DNAH11: variants seen among roughly 807,000 people sequenced by gnomAD.
The protein encoded by DNAH11 is axonemal beta dynein heavy chain 11.
In DNAH11, 442 loss-of-function variants were observed where a neutral mutation model predicts 526.0. The observed-to-expected ratio is 0.84, with a 90% CI of 0.78 to 0.91. The LOEUF (loss-of-function observed/expected upper bound fraction) is 0.91. DNAH11 is among the 40% of genes least tolerant of loss of function. The probability of loss-of-function intolerance (pLI) is 0.00; values close to 1 mark genes in which losing one functional copy is unlikely to be tolerated. For missense variants in DNAH11, 6,989 were observed against 5,448.7 expected, an observed-to-expected ratio of 1.28 and a Z score of -8.90; for synonymous variants, 2,461 against 1,935.9, an observed-to-expected ratio of 1.27 and a Z score of -7.12.
intron 18 of DNAH11, among the ~76,000 whole-genome samples, chr7:21,603,394 C>A (rs1401744978): frequency 6.6e-6 from 1 of 152,144 alleles, no homozygotes; most frequent in Non-Finnish European, 1.5e-5. Flanking sequence ...ATTTGAGTAT[C>A]TGTTTTCAAT....
chr7:21,601,513 C>T lies in DNAH11; in HGVS notation c.3543C>T (p.Ser1181=). 6.2e-7 allele frequency: 1 copy of T among 1,613,658 alleles called. No homozygotes were observed. Among genetic ancestry groups the T allele is most frequent in the Non-Finnish European group, 8.5e-7 (1 of 1,179,772 alleles). The change falls in exon 18 of 82, where the codon AGC becomes AGT. Residue 1181 remains serine (S), a synonymous_variant. Transcript: ENST00000409508. ...DIMVHLLAVR[S]RQRATDELFE... ...TGGTGCATCTTCTGGCTGTAAGAAG[C>T]CGACAGAGAGCTACTGATGAACTCT...
chr7:21,665,829 A>G (rs1346861643), intron 30 of DNAH11, among the ~76,000 whole-genome samples: 1 of 152,108 alleles, frequency 6.6e-6, no homozygotes, highest in Non-Finnish European at 1.5e-5. Context: ...CAGTTTTGTG[A>G]CTGGCACTAA....
chr7:21,822,148 G>A, intron 65 of DNAH11, among the ~76,000 whole-genome samples: 1 of 152,022 alleles, frequency 6.6e-6, no homozygotes, highest in African/African-American at 2.4e-5. Context: ...CTGAGACTGG[G>A]TAATTTATTT....
chr7:21,692,580 A>T (rs1344360112), intron 35 of DNAH11, among the ~76,000 whole-genome samples: 1 of 152,194 alleles, frequency 6.6e-6, no homozygotes, highest in Non-Finnish European at 1.5e-5. Flanking sequence ...TAGTTGATGG[A>T]CACTTGGGCT....
intron 9 of DNAH11, among the ~76,000 whole-genome samples, chr7:21,587,340 A>G (rs1784506180): frequency 6.6e-6 from 1 of 152,142 alleles, no homozygotes; most frequent in Non-Finnish European, 1.5e-5. Context: ...GATCCTGTTC[A>G]GTCTGTGTGT....
intron 36 of DNAH11, among the ~76,000 whole-genome samples, chr7:21,700,876 A>T (rs565228878): frequency 6.6e-6 from 1 of 152,222 alleles, no homozygotes; most frequent in African/African-American, 2.4e-5. Context: ...ACCAAACACC[A>T]CATATTCTCA....
intron 10 of DNAH11, 65 bp from the exon 11 acceptor site, chr7:21,588,447 A>G: frequency 6.3e-7 from 1 of 1,577,310 alleles, no homozygotes; most frequent in South Asian, 1.1e-5. Flanking sequence ...AATTGCTTAC[A>G]GGGTTGGAAA....
intron 28 of DNAH11, 22 bp downstream of exon 28, chr7:21,639,087 T>G (rs925563871): frequency 6.2e-7 from 1 of 1,604,844 alleles, no homozygotes; most frequent in African/African-American, 1.3e-5. Context: ...TTTGAAAGTC[T>G]CGTATTATAC....
Position 21,601,014 on chromosome 7 carries a change from A to C in DNAH11, c.3260A>C (p.Asp1087Ala). 1 of 1,610,792 alleles carries C rather than the reference A, an allele frequency of 6.2e-7. No individual in the cohort carries two copies. Among genetic ancestry groups the C allele is most frequent in the Non-Finnish European group, 8.5e-7 (1 of 1,179,252 alleles). The change falls in exon 17 of 82, where the codon GAC (aspartate) becomes GCC (alanine). Residue 1087 changes from aspartate to alanine, a missense_variant. Physicochemically the swap from Asp to Ala is moderately radical, Grantham distance 126. Transcript: ENST00000409508. ...PTLEQFKEQI[D>A]IYEALYVQMS... ...TTAATCTTTTTCTCACTACAGATTG[A>C]CATTTATGAAGCTTTGTATGTTCAA...
chr7:21,706,907 A>G (rs1249823419), intron 39 of DNAH11, among the ~76,000 whole-genome samples: 1 of 152,224 alleles, frequency 6.6e-6, no homozygotes, highest in Non-Finnish European at 1.5e-5. Context: ...GTATTAATTA[A>G]TTGAATAGAC....
intron 74 of DNAH11, among the ~76,000 whole-genome samples, chr7:21,874,354 A>T (rs546205540): frequency 6.6e-4 from 98 of 149,400 alleles, no homozygotes; most frequent in African/African-American, 2.4e-3. Flanking sequence ...GGTTTTTTTG[A>T]GACAGAGTTT....
chr7:21,862,932 C>T (rs1365944057), intron 69 of DNAH11, among the ~76,000 whole-genome samples: 5 of 151,962 alleles, frequency 3.3e-5, no homozygotes, highest in Admixed American at 1.3e-4. Context: ...GGCGTGGTGG[C>T]AGGCACCTGT....
At chr7:21,705,713 A>G (rs1180679234) in intron 39 of DNAH11, among the ~76,000 whole-genome samples, 176 bp downstream of exon 39, 1 of 152,056 alleles carries the variant, frequency 6.6e-6, no homozygotes, top group East Asian at 1.9e-4. Context: ...CTTTTCCTTT[A>G]TATTGGGTCA....
chr7:21,771,438 C>T (rs1293344121), intron 55 of DNAH11, among the ~76,000 whole-genome samples: 1 of 152,142 alleles, frequency 6.6e-6, no homozygotes, highest in Non-Finnish European at 1.5e-5. Flanking sequence ...ACTACTCCTG[C>T]CCGAGAACTG....
intron 36 of DNAH11, among the ~76,000 whole-genome samples, chr7:21,702,009 A>C (rs1784083552): frequency 6.6e-6 from 1 of 152,280 alleles, no homozygotes; most frequent in East Asian, 1.9e-4. Flanking sequence ...GCTAGCCCCA[A>C]GAAGACAGTG....
chr7:21,899,967 TA>T lies in DNAH11; in HGVS notation c.13163-12del. 6.2e-7 allele frequency: 1 copy of T among 1,613,092 alleles called. No homozygotes were observed. Among genetic ancestry groups the T allele is most frequent in the Non-Finnish European group, 8.5e-7 (1 of 1,179,540 alleles). Reference sequence around the variant, plus strand: ...CACTTTTATCCTATTCAATTTTTGTTATATTTCCAAAGCAATCATGCAGACG... The same window carrying T: ...CACTTTTATCCTATTCAATTTTTGTTTATTTCCAAAGCAATCATGCAGACG... On this transcript the variant is annotated splice_polypyrimidine_tract_variant and intron_variant, in intron 80 of 81. Transcript: ENST00000409508.
At chr7:21,660,262 G>A (rs1583571263) in intron 30 of DNAH11, among the ~76,000 whole-genome samples, 1 of 151,924 alleles carries the variant, frequency 6.6e-6, no homozygotes, top group African/African-American at 2.4e-5. Flanking sequence ...CTTTTATTAT[G>A]ACCATTTTCA....
chr7:21,840,433 A>G (rs1251152565), intron 65 of DNAH11, among the ~76,000 whole-genome samples: 2 of 152,212 alleles, frequency 1.3e-5, no homozygotes, highest in Non-Finnish European at 2.9e-5. Flanking sequence ...ACACTTAATA[A>G]TGAAGAATCC....
rs562120649 is a variant in DNAH11, at chr7:21,558,678, T to C, written c.496-124T>C. 7.9e-5 allele frequency: 53 copies of C among 672,372 alleles called. No homozygotes were observed. The East Asian group carries it at 1.5e-3, about 19-fold the overall frequency. 41.7% of individuals were successfully genotyped at this position (672,372 alleles called of 1,614,324 possible). ...GGTCACTGACTTTATCCTCTCTTTG[T>C]AGATTTGATATCATTGGATATTTAT... is the stretch of plus-strand genomic sequence containing the variant. On this transcript the variant is annotated intron_variant, in intron 2 of 81. Coordinates refer to ENST00000409508, the MANE Select transcript of DNAH11 (RefSeq NM_001277115.2).
Sources: gnomAD v4.1 joint callset for allele counts (sites outside exome capture counted in the v4.1 genomes callset) on GRCh38, gnomAD v4.1.1 for gene constraint, MANE v1.5 for transcripts, NCBI Gene and HGNC (gene_info 2026-07-23, HGNC 2026-07-21) for gene names.